Variants in GPATCH2 observed in about 807,000 individuals in gnomAD.
GPATCH2 encodes G-patch domain containing 2.
A neutral mutation model predicts 58.0 loss-of-function variants in GPATCH2; 51 were observed. The observed-to-expected ratio is 0.88, with a 90% confidence interval of 0.70 to 1.11. The LOEUF (loss-of-function observed/expected upper bound fraction) is 1.11, where lower values mean the gene tolerates loss of function less well. Among genes scored for constraint, GPATCH2 ranks in the 50% most tolerant of loss-of-function variants. GPATCH2 has a pLI of 0.00. For missense variants in GPATCH2, 625 were observed against 652.2 expected (o/e 0.96, Z 0.45); for synonymous variants, 222 against 218.5 (o/e 1.02, Z -0.14).
intron 5 of GPATCH2, among the ~76,000 whole-genome samples, chr1:217,524,577 C>G (rs1285128107): frequency 6.6e-6 from 1 of 151,778 alleles, no homozygotes; most frequent in African/African-American, 2.4e-5. Flanking sequence ...CACCATTGAG[C>G]ACTGAGTGAA....
intron 7 of GPATCH2, 118 bp from the exon 8 acceptor site, chr1:217,491,868 T>G: frequency 4.7e-6 from 2 of 425,116 alleles, no homozygotes; most frequent in East Asian, 3.6e-5. Context: ...ACGGCTTTTT[T>G]TTTTTTTTTT....
chr1:217,507,148 A>G (rs1467644779), intron 6 of GPATCH2, among the ~76,000 whole-genome samples: 1 of 152,186 alleles, frequency 6.6e-6, no homozygotes, highest in Non-Finnish European at 1.5e-5. Flanking sequence ...TGAATGGACA[A>G]ATGAATGACT....
At position 217,430,820 on chromosome 1, in the gene GPATCH2, T is replaced by C. The variant is rs1190446014; in HGVS notation, c.*325A>G. 5.7e-6 allele frequency: 2 copies of C among 349,902 alleles called. No homozygotes were observed. The highest frequency in any genetic ancestry group is 9.1e-5 in the Admixed American group (2 of 22,080). The allele number at this position is 349,902 out of a possible 1,614,324, so 21.7% of individuals were successfully genotyped here. A position where few individuals can be genotyped will look rare whatever the true frequency, so the allele number is the denominator to read the frequency against. On this transcript the variant is annotated 3_prime_UTR_variant, in exon 10 of 10. Transcript: ENST00000366935. Reference sequence around the variant, plus strand: ...CACGTTTGTCTGGGCATTGCAGCACTGCACACATACATGAATTAAGCAAAG... The same window carrying C: ...CACGTTTGTCTGGGCATTGCAGCACCGCACACATACATGAATTAAGCAAAG...
At chr1:217,608,387 A>G in intron 5 of GPATCH2, 13 of 983,170 alleles carry the variant, frequency 1.3e-5, no homozygotes, top group Non-Finnish European at 1.6e-5. Flanking sequence ...ACACATATAT[A>G]GTATGTCTCC....
intron 5 of GPATCH2, among the ~76,000 whole-genome samples, chr1:217,569,614 G>A (rs920473976): frequency 6.6e-6 from 1 of 152,194 alleles, no homozygotes; most frequent in Non-Finnish European, 1.5e-5. Context: ...AGAACTGCTT[G>A]AACCTGGGAG....
chr1:217,547,642 G>A (rs777566867), intron 5 of GPATCH2, among the ~76,000 whole-genome samples: 8 of 152,022 alleles, frequency 5.3e-5, no homozygotes, highest in East Asian at 1.9e-4. Context: ...TCAATAAACC[G>A]GATTTAAGAA....
chr1:217,445,128 A>G (rs1277070601), intron 9 of GPATCH2, among the ~76,000 whole-genome samples: 1 of 152,164 alleles, frequency 6.6e-6, no homozygotes, highest in African/African-American at 2.4e-5. Context: ...AACAATATGC[A>G]TATCAAGACA....
chr1:217,436,196 A>C (rs1658824132), intron 9 of GPATCH2, among the ~76,000 whole-genome samples: 1 of 152,188 alleles, frequency 6.6e-6, no homozygotes, highest in Admixed American at 6.5e-5. Context: ...CAAAAAAAAA[A>C]AATCTTACAA....
At chr1:217,545,650 T>C (rs1206836791) in intron 5 of GPATCH2, among the ~76,000 whole-genome samples, 2 of 152,216 alleles carry the variant, frequency 1.3e-5, no homozygotes, top group Non-Finnish European at 2.9e-5. Flanking sequence ...CAGTAGACTA[T>C]GTAATTGTTT....
At chr1:217,447,813 C>T (rs1373231127) in intron 9 of GPATCH2, among the ~76,000 whole-genome samples, 17 of 152,166 alleles carry the variant, frequency 1.1e-4, no homozygotes, top group Non-Finnish European at 2.9e-5. Context: ...GAGAACGTGG[C>T]TGGGTGCGGT....
intron 5 of GPATCH2, among the ~76,000 whole-genome samples, chr1:217,563,117 T>C (rs1183744771): frequency 6.6e-6 from 1 of 152,220 alleles, no homozygotes; most frequent in Non-Finnish European, 1.5e-5. Flanking sequence ...GTAAAGGTAA[T>C]ATCCGTTCCT....
chr1:217,618,608 C>G (rs920552553), intron 2 of GPATCH2, among the ~76,000 whole-genome samples: 1 of 151,708 alleles, frequency 6.6e-6, no homozygotes, highest in African/African-American at 2.4e-5. Context: ...TTACCAGGTC[C>G]CACTCATTTA....
At chr1:217,598,409 A>G (rs540755147) in intron 5 of GPATCH2, among the ~76,000 whole-genome samples, 128 of 151,942 alleles carry the variant, frequency 8.4e-4, no homozygotes, top group Non-Finnish European at 1.2e-3. Flanking sequence ...AAAACAAAAA[A>G]CCATAAGGTC....
chr1:217,630,830 C>G (rs1260156064), intron 1 of GPATCH2, 86 bp downstream of exon 1: 7 of 962,182 alleles, frequency 7.3e-6, no homozygotes, highest in Non-Finnish European at 7.9e-6. Context: ...ACAGCTCCCT[C>G]CCGCCTCCAT....
intron 2 of GPATCH2, among the ~76,000 whole-genome samples, chr1:217,619,300 C>T (rs1466920049): frequency 1.3e-5 from 2 of 152,106 alleles, no homozygotes; most frequent in South Asian, 2.1e-4. Flanking sequence ...TTTTAAAATT[C>T]ATAAGTGATC....
intron 5 of GPATCH2, among the ~76,000 whole-genome samples, chr1:217,593,716 A>G (rs1476283167): frequency 2.0e-5 from 3 of 152,026 alleles, no homozygotes; most frequent in African/African-American, 7.2e-5. Flanking sequence ...CAAATCCAAA[A>G]ATGTTCTCTA....
chr1:217,459,377 A>G (rs1325930287), intron 8 of GPATCH2, among the ~76,000 whole-genome samples: 3 of 152,222 alleles, frequency 2.0e-5, no homozygotes, highest in African/African-American at 7.2e-5. Context: ...TTTCGCCTGA[A>G]CTGAAATTGG....
At chr1:217,434,286 A>G (rs1030618412) in intron 9 of GPATCH2, among the ~76,000 whole-genome samples, 37 of 152,220 alleles carry the variant, frequency 2.4e-4, no homozygotes, top group African/African-American at 8.7e-4. Context: ...TGTGTGTGAC[A>G]GTGAAAAATG....
At position 217,586,874 on chromosome 1, in the gene GPATCH2, C is replaced by T. The variant is rs187131151; in HGVS notation, c.1098+23447G>A. Among the ~76,000 whole-genome samples, 290 of 152,210 alleles carry T rather than the reference C, an allele frequency of 1.9e-3. 1 individual carries two copies. Among genetic ancestry groups the T allele is most frequent in the Non-Finnish European group, 3.6e-3 (245 of 68,014 alleles). ...CATTGTAGAAACAGTTCATTCTTGA[C>T]TGAAACAGTGTTATGCAGCACATGG... On this transcript the variant is annotated intron_variant, in intron 5 of 9. Transcript: ENST00000366935.
Sources: gnomAD v4.1 joint callset for allele counts (sites outside exome capture counted in the v4.1 genomes callset) on GRCh38, gnomAD v4.1.1 for gene constraint, MANE v1.5 for transcripts, NCBI Gene and HGNC (gene_info 2026-07-23, HGNC 2026-07-21) for gene names.